MAP1B: variants seen among roughly 807,000 people sequenced by gnomAD.
MAP1B encodes the protein microtubule associated protein 1B.
MAP1B carries 12 observed loss-of-function variants against 176.1 expected under a neutral mutation model. The observed-to-expected ratio is 0.07, with a 90% CI of 0.04 to 0.11. The LOEUF (loss-of-function observed/expected upper bound fraction) is 0.11. MAP1B is among the 10% of genes least tolerant of loss of function. The pLI is 1.00. For synonymous variants in MAP1B, 1,044 were observed against 1,135.0 expected (o/e 0.92, Z 1.61); for missense variants, 2,523 against 2,990.5 (o/e 0.84, Z 3.65).
chr5:72,147,452 C>A (rs1410689404), intron 2 of MAP1B, among the ~76,000 whole-genome samples: 1 of 151,032 alleles, frequency 6.6e-6, no homozygotes, highest in East Asian at 1.9e-4. Context: ...CTGGATGAAT[C>A]CTTTTTAGTG....
chr5:72,168,104 C>A (rs774864218), intron 2 of MAP1B, among the ~76,000 whole-genome samples: 1 of 152,252 alleles, frequency 6.6e-6, no homozygotes, highest in East Asian at 1.9e-4. Context: ...GGCTTGCTCA[C>A]CTCCTGCCTT....
In MAP1B at chr5:72,196,120, A is replaced by G; in HGVS notation, c.2765A>G (p.Asp922Gly). Residue 922 changes from aspartate (D) to glycine (G), a missense_variant, in exon 5 of 7, where the codon GAC (aspartate) becomes GGC (glycine). Coordinates refer to ENST00000296755, the MANE Select transcript of MAP1B (RefSeq NM_005909.5). The surrounding 1 kb of genome is among the most constrained non-coding windows in gnomAD (Gnocchi z 5.3). ...CCCGTCGAGAAGCAGGGAGTAGACG[A>G]CATTGAAAAATTTGAAGATGAAGGA... ...LEPVEKQGVD[D>G]IEKFEDEGAG... 1 of 1,613,862 alleles carries G rather than the reference A, an allele frequency of 6.2e-7. No homozygotes were observed. The highest frequency in any genetic ancestry group is 2.2e-5 in the East Asian group (1 of 44,876).
intron 5 of MAP1B, among the ~76,000 whole-genome samples, chr5:72,202,578 T>G (rs1033407292): frequency 1.3e-5 from 2 of 152,194 alleles, no homozygotes; most frequent in Non-Finnish European, 2.9e-5. Flanking sequence ...TTTACAGCAA[T>G]GAAACCAGCT....
At chr5:72,154,241 T>C (rs75858350) in intron 2 of MAP1B, among the ~76,000 whole-genome samples, 12 of 152,286 alleles carry the variant, frequency 7.9e-5, no homozygotes, top group Non-Finnish European at 1.5e-4. Context: ...CCAGAGGGAA[T>C]AGGATTTAGG....
intron 2 of MAP1B, among the ~76,000 whole-genome samples, chr5:72,136,541 C>T (rs1745839735): frequency 6.6e-6 from 1 of 152,172 alleles, no homozygotes; most frequent in Non-Finnish European, 1.5e-5. Flanking sequence ...AACCTACCTC[C>T]TTCTCCCCAA....
At chr5:72,171,265 G>A (rs1746532033) in intron 2 of MAP1B, among the ~76,000 whole-genome samples, 1 of 152,246 alleles carries the variant, frequency 6.6e-6, no homozygotes, top group South Asian at 2.1e-4. Flanking sequence ...GACCATCTGT[G>A]GGCCAAGAGT....
chr5:72,173,089 C>A (rs1746577800), intron 2 of MAP1B, among the ~76,000 whole-genome samples: 1 of 152,230 alleles, frequency 6.6e-6, no homozygotes, highest in South Asian at 2.1e-4. Context: ...GCCTTTGCCT[C>A]CTGTGTGCAA....
chr5:72,142,317 G>A (rs1373128271), intron 2 of MAP1B, among the ~76,000 whole-genome samples: 3 of 152,190 alleles, frequency 2.0e-5, no homozygotes, highest in African/African-American at 7.2e-5. Flanking sequence ...TTGTGCTATG[G>A]GATCTGCTCT....
At chr5:72,163,930 C>CTTTTT (rs869167918) in intron 2 of MAP1B, among the ~76,000 whole-genome samples, 28 of 43,718 alleles carry the variant, frequency 6.4e-4, no homozygotes, top group African/African-American at 1.4e-3. Flanking sequence ...TTTTTTTTTT[C>CTTTTT]TTTTTTTTTT....
intron 2 of MAP1B, among the ~76,000 whole-genome samples, chr5:72,155,521 G>A (rs993083597): frequency 1.3e-5 from 2 of 152,188 alleles, no homozygotes; most frequent in Non-Finnish European, 2.9e-5. Flanking sequence ...TCTACACAAA[G>A]GTAAGGTCCT....
rs543589597 is a variant in MAP1B at position 72,190,472 on chromosome 5, T to C, written c.511-3394T>C. The stretch of plus-strand genomic sequence containing the variant: ...TCCTGTAGTTTACCCTGCTGGTTTA[T>C]TGAACCTTACATTTATCCCTTTAGA... On this transcript the variant is annotated intron_variant, in intron 4 of 6. Transcript: ENST00000296755. 1.6e-3 allele frequency among the ~76,000 whole-genome samples: 240 copies of C among 152,350 alleles called. 13 individuals are homozygous for C. The South Asian group carries it at 0.039, about 25-fold the overall frequency.
Position 72,194,321 on chromosome 5 carries a change from C to T in MAP1B, c.966C>T (p.Ser322=), listed in dbSNP as rs760289531. Residue 322 remains serine, a synonymous_variant, in exon 5 of 7, where the codon AGC becomes AGT. Transcript: ENST00000296755. This position sits in a 1 kb window ranked among gnomAD's most constrained non-coding sequence, Gnocchi z 7.2. The stretch of plus-strand genomic sequence containing the variant: ...ATGACAATTTGCCTGGAATAAACAG[C>T]ATGTTACAGCGGAAAATTGCAGAGC... ...IGDDNLPGIN[S]MLQRKIAELE... 2.5e-6 allele frequency: 4 copies of T among 1,614,230 alleles called. No individual in the cohort carries two copies. Among genetic ancestry groups the T allele is most frequent in the Middle Eastern group, 1.6e-4 (1 of 6,062 alleles).
At chr5:72,168,561 G>A (rs1746474235) in intron 2 of MAP1B, among the ~76,000 whole-genome samples, 1 of 152,198 alleles carries the variant, frequency 6.6e-6, no homozygotes, top group South Asian at 2.1e-4. Flanking sequence ...TTTTATGCAT[G>A]CTGCCTTTCT....
chr5:72,145,444 C>T (rs1462649517), intron 2 of MAP1B, among the ~76,000 whole-genome samples: 2 of 150,930 alleles, frequency 1.3e-5, no homozygotes, highest in East Asian at 1.9e-4. Flanking sequence ...AGTTCTTTTT[C>T]TCTCTTGATG....
intron 2 of MAP1B, among the ~76,000 whole-genome samples, chr5:72,139,016 G>A (rs1203760906): frequency 6.6e-6 from 1 of 152,050 alleles, no homozygotes; most frequent in Non-Finnish European, 1.5e-5. Context: ...AATCACTATC[G>A]CTTTTGTATT....
chr5:72,128,498 A>C (rs1271636114), intron 2 of MAP1B, among the ~76,000 whole-genome samples: 2 of 152,160 alleles, frequency 1.3e-5, no homozygotes, highest in African/African-American at 4.8e-5. Context: ...TATTCGAAGA[A>C]AATACCTGAG....
chr5:72,174,930 T>C, intron 2 of MAP1B, among the ~76,000 whole-genome samples: 2 of 82,422 alleles, frequency 2.4e-5, no homozygotes, highest in Non-Finnish European at 4.7e-5. Context: ...CTTCCCCCTT[T>C]CCCCCTTCCC....
At chr5:72,167,872 A>T (rs1489021478) in intron 2 of MAP1B, among the ~76,000 whole-genome samples, 1 of 152,238 alleles carries the variant, frequency 6.6e-6, no homozygotes, top group Admixed American at 6.5e-5. Flanking sequence ...GATGTGACGG[A>T]AGGAAATGCA....
intron 2 of MAP1B, among the ~76,000 whole-genome samples, chr5:72,181,531 A>G (rs1746765396): frequency 6.6e-6 from 1 of 152,144 alleles, no homozygotes; most frequent in South Asian, 2.1e-4. Context: ...TTACATTCAC[A>G]AGGTTGTACA....
Sources: allele counts gnomAD v4.1 joint callset (sites outside exome capture counted in the v4.1 genomes callset), GRCh38; gene constraint gnomAD v4.1.1; non-coding constraint Gnocchi (gnomAD v3.1); transcripts MANE v1.5; gene names NCBI Gene and HGNC (gene_info 2026-07-23, HGNC 2026-07-21).